Variants in DEPDC1B observed in about 807,000 individuals in gnomAD.
DEPDC1B encodes the protein DEP domain containing 1B.
A neutral mutation model predicts 66.5 loss-of-function variants in DEPDC1B; 51 were observed. The observed-to-expected ratio is 0.77, with a 90% CI of 0.61 to 0.97. The LOEUF is 0.97. Among genes scored for constraint, DEPDC1B ranks in the 50% least tolerant of loss-of-function variants. DEPDC1B has a pLI of 0.00. For missense variants in DEPDC1B, 552 were observed against 637.1 expected (o/e 0.87, Z 1.44); for synonymous variants, 226 against 223.6 (o/e 1.01, Z -0.10).
chr5:60,600,938 C>T (rs535836683), intron 9 of DEPDC1B, among the ~76,000 whole-genome samples: 2 of 152,180 alleles, frequency 1.3e-5, no homozygotes, highest in African/African-American at 4.8e-5. Flanking sequence ...TGGGAGGTAA[C>T]TGAATCACAG....
intron 7 of DEPDC1B, among the ~76,000 whole-genome samples, chr5:60,615,574 T>C (rs552761867): frequency 4.1e-4 from 62 of 152,242 alleles, no homozygotes; most frequent in African/African-American, 1.4e-3. Flanking sequence ...GAGATCAAAC[T>C]GCAAGGTGGC....
chr5:60,684,535 C>A (rs1353478344), intron 2 of DEPDC1B, among the ~76,000 whole-genome samples: 2 of 152,102 alleles, frequency 1.3e-5, no homozygotes, highest in Non-Finnish European at 2.9e-5. Flanking sequence ...AACTGGATAT[C>A]CTTATGCAGA....
At chr5:60,656,229 T>C (rs1297482595) in intron 2 of DEPDC1B, among the ~76,000 whole-genome samples, 1 of 151,322 alleles carries the variant, frequency 6.6e-6, no homozygotes, top group Non-Finnish European at 1.5e-5. Flanking sequence ...GGTGCGATTT[T>C]GGCTCACTAC....
intron 7 of DEPDC1B, among the ~76,000 whole-genome samples, chr5:60,613,206 G>A (rs1245950690): frequency 6.6e-6 from 1 of 152,160 alleles, no homozygotes; most frequent in Non-Finnish European, 1.5e-5. Context: ...TCAGCTTTAA[G>A]GGGGCCTACT....
intron 10 of DEPDC1B, among the ~76,000 whole-genome samples, chr5:60,598,553 T>C (rs1049458817): frequency 1.3e-5 from 2 of 152,140 alleles, no homozygotes; most frequent in Non-Finnish European, 2.9e-5. Flanking sequence ...AAGTAACATA[T>C]TGTGAGTTAA....
At chr5:60,635,065 A>AG (rs1438026043) in intron 7 of DEPDC1B, among the ~76,000 whole-genome samples, 1 of 41,294 alleles carries the variant, frequency 2.4e-5, no homozygotes, top group African/African-American at 5.5e-5. Flanking sequence ...ATCTCAAGAG[A>AG]AAAAAAAAAA....
intron 2 of DEPDC1B, among the ~76,000 whole-genome samples, chr5:60,653,912 TGTAA>T (rs1305284565): frequency 1.3e-5 from 2 of 149,118 alleles, no homozygotes; most frequent in Admixed American, 6.6e-5. Context: ...ATCAGTTGGC[TGTAA>T]GTATTTCACT....
At chr5:60,688,921 G>A (rs1057015116) in intron 1 of DEPDC1B, 2 of 417,572 alleles carry the variant, frequency 4.8e-6, no homozygotes, top group African/African-American at 4.1e-5. Context: ...CTTTATTTAG[G>A]AACCTCGTTT....
intron 7 of DEPDC1B, among the ~76,000 whole-genome samples, chr5:60,622,652 C>A (rs1291576052): frequency 1.3e-5 from 2 of 152,230 alleles, no homozygotes; most frequent in Admixed American, 1.3e-4. Flanking sequence ...ACAGTCCTAT[C>A]AGCAATGTCT....
At chr5:60,599,848 G>T (rs776546461) in intron 9 of DEPDC1B, among the ~76,000 whole-genome samples, 5 of 152,086 alleles carry the variant, frequency 3.3e-5, no homozygotes, top group Non-Finnish European at 5.9e-5. Context: ...AAATATGTGG[G>T]TAAATCTCTG....
rs766639905 is a variant in DEPDC1B, at chr5:60,647,526, G to C, written c.322C>G (p.Pro108Ala). 10 of 1,610,630 alleles carry C rather than the reference G, an allele frequency of 6.2e-6. No individual in the cohort carries two copies. The highest frequency in any genetic ancestry group is 8.5e-6 in the Non-Finnish European group (10 of 1,179,102). Residue 108 changes from proline (P) to alanine (A), a missense_variant, in exon 3 of 11, where the codon CCT (proline) becomes GCT (alanine). Physicochemically the swap from Pro to Ala is conservative, Grantham distance 27. Coordinates refer to ENST00000265036, the MANE Select transcript of DEPDC1B (RefSeq NM_018369.3). ...GGATATGGTTTCAGGGGTGAAGAAG[G>C]AGGAAATCTAAAACCCAAGAAGAAA... Reference protein sequence around the residue: ...EDNRHLYRFPPSSPLKPYPKK... With the variant: ...EDNRHLYRFPASSPLKPYPKK...
intron 2 of DEPDC1B, among the ~76,000 whole-genome samples, chr5:60,657,581 C>T (rs1259819390): frequency 6.6e-6 from 1 of 152,138 alleles, no homozygotes; most frequent in East Asian, 1.9e-4. Context: ...AAATTCTTGG[C>T]TGATAATTAT....
At chr5:60,685,737 G>A (rs2045355) in intron 2 of DEPDC1B, among the ~76,000 whole-genome samples, 1 of 152,142 alleles carries the variant, frequency 6.6e-6, no homozygotes, top group Non-Finnish European at 1.5e-5. Flanking sequence ...AGCAATTAAA[G>A]TTTCCCAAGA....
chr5:60,680,138 G>A (rs1401918077), intron 2 of DEPDC1B, among the ~76,000 whole-genome samples: 1 of 152,172 alleles, frequency 6.6e-6, no homozygotes, highest in Non-Finnish European at 1.5e-5. Context: ...TCATCCATTA[G>A]AAGTTTAGGG....
At chr5:60,634,707 A>G (rs944766657) in intron 7 of DEPDC1B, among the ~76,000 whole-genome samples, 1 of 135,172 alleles carries the variant, frequency 7.4e-6, no homozygotes, top group Non-Finnish European at 1.5e-5. Context: ...AATAAATATA[A>G]AAATAAATAA....
At chr5:60,610,431 A>C (rs1263588804) in intron 7 of DEPDC1B, among the ~76,000 whole-genome samples, 1 of 152,260 alleles carries the variant, frequency 6.6e-6, no homozygotes, top group Non-Finnish European at 1.5e-5. Context: ...AACATGAATC[A>C]CATACAACTT....
In DEPDC1B at chr5:60,659,404, T is replaced by TA. The variant is rs1306639007; in HGVS notation, c.315-11872dup. Among the ~76,000 whole-genome samples, 4 of 152,296 alleles carry TA rather than the reference T, an allele frequency of 2.6e-5. No individual in the cohort carries two copies. The East Asian group carries it at 7.7e-4, about 29-fold the overall frequency. On this transcript the variant is annotated intron_variant, in intron 2 of 10. Transcript: ENST00000265036. ...AAATACTGGGCACCTGTCAGCCAGTTAAAAACAGTAGCATGGCTGCTGGAC... is the reference window on the plus strand; with the variant it reads ...AAATACTGGGCACCTGTCAGCCAGTTAAAAAACAGTAGCATGGCTGCTGGAC...
chr5:60,680,167 C>G (rs1197225825), intron 2 of DEPDC1B, among the ~76,000 whole-genome samples: 1 of 152,202 alleles, frequency 6.6e-6, no homozygotes, highest in African/African-American at 2.4e-5. Context: ...CTTTAAGACA[C>G]AGACAACAGC....
chr5:60,599,475 T>C (rs2111696441), intron 9 of DEPDC1B, among the ~76,000 whole-genome samples: 1 of 152,356 alleles, frequency 6.6e-6, no homozygotes, highest in South Asian at 2.1e-4. Flanking sequence ...ATTGGATTTT[T>C]ACCTTTGTAA....
Sources: allele counts gnomAD v4.1 joint callset (sites outside exome capture counted in the v4.1 genomes callset), GRCh38; gene constraint gnomAD v4.1.1; transcripts MANE v1.5; gene names NCBI Gene and HGNC (gene_info 2026-07-23, HGNC 2026-07-21).